The following MSRA variants were observed in gnomAD, a reference collection of about 807,000 sequenced individuals.
MSRA encodes mitochondrial peptide methionine sulfoxide reductase.
MSRA carries 54 observed loss-of-function variants against 31.3 expected under a neutral mutation model. The observed-to-expected ratio is 1.73, with a 90% CI of 1.39 to 2.17. The LOEUF (loss-of-function observed/expected upper bound fraction) is 2.17. Among genes scored for constraint, MSRA ranks in the 30% most tolerant of loss-of-function variants. The pLI is 0.00. For missense variants in MSRA, 507 were observed against 300.9 expected, an observed-to-expected ratio of 1.69 and a Z score of -5.07; for synonymous variants, 169 against 116.5, an observed-to-expected ratio of 1.45 and a Z score of -2.90.
At chr8:10,108,179 A>G (rs897655860) in intron 1 of MSRA, among the ~76,000 whole-genome samples, 2 of 152,206 alleles carry the variant, frequency 1.3e-5, no homozygotes, top group Admixed American at 6.5e-5. Context: ...CTATTTGGAC[A>G]TATAATCTCT....
At chr8:10,238,820 A>G (rs1279564670) in intron 2 of MSRA, among the ~76,000 whole-genome samples, 1 of 152,196 alleles carries the variant, frequency 6.6e-6, no homozygotes, top group East Asian at 1.9e-4. Context: ...AAAATATAGG[A>G]TATTATCTTT....
At chr8:10,352,381 A>G (rs1038847431) in intron 5 of MSRA, among the ~76,000 whole-genome samples, 1 of 152,194 alleles carries the variant, frequency 6.6e-6, no homozygotes, top group Non-Finnish European at 1.5e-5. Context: ...GTGTTTGGAA[A>G]GAGTTCTCCA....
Position 10,330,006 on chromosome 8 carries a change from ATGTGTGTGTGTGTGTGTG to A in MSRA, c.543+10038_543+10055del, listed in dbSNP as rs72198519. On this transcript the variant is annotated intron_variant, in intron 5 of 5. Transcript: ENST00000317173. ...AGAAGGATATTTGGGAGAGAAAAAA[ATGTGTGTGTGTGTGTGTG>A]TGTGTGTGTGTGTGTGTGTGATCAA... 2.6e-4 allele frequency among the ~76,000 whole-genome samples: 35 copies of A among 135,378 alleles called. No individual in the cohort carries two copies. The Admixed American group carries it at 2.6e-3, about 10-fold the overall frequency. The allele number at this position is 135,378 out of a possible 152,430, so 88.8% of individuals were successfully genotyped here.
intron 1 of MSRA, among the ~76,000 whole-genome samples, chr8:10,191,889 C>G (rs1807541772): frequency 6.6e-6 from 1 of 152,074 alleles, no homozygotes; most frequent in Non-Finnish European, 1.5e-5. Flanking sequence ...CAGTTTAAAA[C>G]AACACTCATT....
chr8:10,162,981 G>A (rs1013261952), intron 1 of MSRA, among the ~76,000 whole-genome samples: 2 of 152,168 alleles, frequency 1.3e-5, no homozygotes, highest in Non-Finnish European at 2.9e-5. Flanking sequence ...CCACAAATTC[G>A]TAAGTTAGTA....
chr8:10,184,580 G>A (rs1022217063), intron 1 of MSRA, among the ~76,000 whole-genome samples: 5 of 151,986 alleles, frequency 3.3e-5, no homozygotes, highest in African/African-American at 9.7e-5. Flanking sequence ...TTAGAAACTA[G>A]CAAGACATTT....
intron 5 of MSRA, 48 bp downstream of exon 5, chr8:10,320,037 G>C: frequency 7.8e-7 from 1 of 1,281,704 alleles, no homozygotes; most frequent in Non-Finnish European, 1.1e-6. Context: ...ACCATGACTA[G>C]GGCCAGGTTC....
At chr8:10,196,657 T>C (rs60999585) in intron 1 of MSRA, among the ~76,000 whole-genome samples, 78,151 of 151,978 alleles carry the variant, frequency 0.51, 20,408 homozygotes, top group South Asian at 0.61. Flanking sequence ...TTAAGCCATT[T>C]TCCTGCCTCA....
chr8:10,395,807 A>G (rs1184744348), intron 5 of MSRA, among the ~76,000 whole-genome samples: 2 of 152,204 alleles, frequency 1.3e-5, no homozygotes, highest in Non-Finnish European at 2.9e-5. Flanking sequence ...CAGATGTCCC[A>G]TCTTCTGTGG....
intron 1 of MSRA, among the ~76,000 whole-genome samples, chr8:10,129,915 T>G (rs1460077428): frequency 6.6e-6 from 1 of 152,138 alleles, no homozygotes; most frequent in South Asian, 2.1e-4. Flanking sequence ...TACATACATA[T>G]CTATATATAA....
chr8:10,350,790 C>T lies in MSRA; in HGVS notation c.543+30801C>T, dbSNP rs148356192. 7.5e-3 allele frequency among the ~76,000 whole-genome samples: 1,143 copies of T among 152,300 alleles called. 8 individuals are homozygous for T. The highest frequency in any genetic ancestry group is 0.012 in the Non-Finnish European group (813 of 68,028). On this transcript the variant is annotated intron_variant, in intron 5 of 5. Transcript: ENST00000317173. ...CAGCCGACTTACCCCCGAGGCCTCG[C>T]GCCTCCCCCTTCACAGCATTGCGCC...
chr8:10,409,478 C>A (rs1260449333), intron 5 of MSRA, among the ~76,000 whole-genome samples: 3 of 152,176 alleles, frequency 2.0e-5, no homozygotes, highest in Non-Finnish European at 4.4e-5. Context: ...TGGTTGAGAA[C>A]CATGGCTCCA....
chr8:10,080,552 G>T (rs1040229315), intron 1 of MSRA, among the ~76,000 whole-genome samples: 2 of 151,978 alleles, frequency 1.3e-5, no homozygotes, highest in African/African-American at 4.8e-5. Context: ...TTTAGAGAAG[G>T]TCTCACTCTG....
At chr8:10,205,669 AAAAG>A (rs1808897810) in intron 1 of MSRA, among the ~76,000 whole-genome samples, 1 of 152,236 alleles carries the variant, frequency 6.6e-6, no homozygotes, top group African/African-American at 2.4e-5. Context: ...ACCCTAGACA[AAAAG>A]AAAAGAATCT....
rs545274555 is a variant in MSRA, at chr8:10,420,994, C to T, written c.544-7154C>T. ...CCTGGGTGACAGAGTGAGACCCTGT[C>T]TCCAAAAACAAACCACCACCAAAAA... On this transcript the variant is annotated intron_variant, in intron 5 of 5. Transcript: ENST00000317173. Among the ~76,000 whole-genome samples, 6 of 152,116 alleles carry T rather than the reference C, an allele frequency of 3.9e-5. No individual in the cohort carries two copies. The South Asian group carries it at 6.2e-4, about 16-fold the overall frequency.
At chr8:10,133,303 A>G (rs1456092717) in intron 1 of MSRA, among the ~76,000 whole-genome samples, 2 of 152,142 alleles carry the variant, frequency 1.3e-5, no homozygotes, top group African/African-American at 4.8e-5. Flanking sequence ...CCACTCTGAG[A>G]CTTATATTAT....
At chr8:10,393,707 A>T (rs2001338) in intron 5 of MSRA, among the ~76,000 whole-genome samples, 1 of 152,086 alleles carries the variant, frequency 6.6e-6, no homozygotes, top group Non-Finnish European at 1.5e-5. Flanking sequence ...TATGACCTGC[A>T]CACGGGCAGC....
At chr8:10,163,706 G>A (rs75698476) in intron 1 of MSRA, among the ~76,000 whole-genome samples, 35 of 152,348 alleles carry the variant, frequency 2.3e-4, no homozygotes, top group Non-Finnish European at 4.3e-4. Context: ...TCTATTTATC[G>A]ATAAGAGTGA....
chr8:10,284,860 A>C (rs1799850289), intron 3 of MSRA, among the ~76,000 whole-genome samples: 1 of 152,140 alleles, frequency 6.6e-6, no homozygotes, highest in Admixed American at 6.6e-5. Flanking sequence ...TAAACCACTT[A>C]TAGTTGTGCC....
Sources: allele counts gnomAD v4.1 joint callset (sites outside exome capture counted in the v4.1 genomes callset), GRCh38; gene constraint gnomAD v4.1.1; transcripts MANE v1.5; gene names NCBI Gene and HGNC (gene_info 2026-07-23, HGNC 2026-07-21).